Variants in GALNTL6 observed in about 807,000 individuals in gnomAD.
GALNTL6 encodes the protein polypeptide N-acetylgalactosaminyltransferase-like 6.
GALNTL6 carries 46 observed loss-of-function variants against 73.7 expected under a neutral mutation model. The observed-to-expected ratio is 0.62, with a 90% CI of 0.49 to 0.80. The LOEUF (loss-of-function observed/expected upper bound fraction) is 0.80, where lower values mean the gene tolerates loss of function less well. Among genes scored for constraint, GALNTL6 ranks in the 30% least tolerant of loss-of-function variants. The probability of loss-of-function intolerance (pLI) is 0.00; values close to 1 mark genes in which losing one functional copy is unlikely to be tolerated. For missense variants in GALNTL6, 604 were observed against 755.0 expected, an observed-to-expected ratio of 0.80 and a Z score of 2.34; for synonymous variants, 259 against 263.7, an observed-to-expected ratio of 0.98 and a Z score of 0.17.
At chr4:172,356,338 T>C (rs1289342960) in intron 5 of GALNTL6, among the ~76,000 whole-genome samples, 1 of 152,178 alleles carries the variant, frequency 6.6e-6, no homozygotes, top group Non-Finnish European at 1.5e-5. Flanking sequence ...ACTATTCCTC[T>C]TGTCAGCAAA....
At chr4:172,996,202 T>C (rs1410949885) in intron 10 of GALNTL6, among the ~76,000 whole-genome samples, 1 of 151,888 alleles carries the variant, frequency 6.6e-6, no homozygotes, top group Non-Finnish European at 1.5e-5. Flanking sequence ...TGGAATACTA[T>C]GCAACCATAA....
chr4:172,124,853 C>T (rs1050337327), intron 2 of GALNTL6, among the ~76,000 whole-genome samples: 7 of 151,992 alleles, frequency 4.6e-5, no homozygotes, highest in Admixed American at 2.0e-4. Context: ...CAAGGGAATA[C>T]ATGGCTCTTA....
intron 5 of GALNTL6, among the ~76,000 whole-genome samples, chr4:172,777,698 A>G (rs2110886178): frequency 6.6e-6 from 1 of 152,312 alleles, no homozygotes; most frequent in African/African-American, 2.4e-5. Context: ...CAAAACCTAG[A>G]CACTATGTAA....
chr4:172,046,852 G>A (rs1303190058), intron 2 of GALNTL6, among the ~76,000 whole-genome samples: 1 of 152,054 alleles, frequency 6.6e-6, no homozygotes. Context: ...TTTCTTTGCA[G>A]TGCAGAAGCT....
intron 5 of GALNTL6, among the ~76,000 whole-genome samples, chr4:172,779,403 G>A (rs1040025002): frequency 6.6e-6 from 1 of 152,104 alleles, no homozygotes; most frequent in South Asian, 2.1e-4. Context: ...CCCAGTCAGC[G>A]TGCTTATCGG....
chr4:172,488,823 G>A (rs903619821), intron 5 of GALNTL6, among the ~76,000 whole-genome samples: 12 of 137,052 alleles, frequency 8.8e-5, no homozygotes, highest in African/African-American at 3.2e-4. Context: ...AGAGAACTGC[G>A]AAGGCAGTCC....
At chr4:171,877,458 G>A (rs1352405464) in intron 2 of GALNTL6, among the ~76,000 whole-genome samples, 2 of 152,154 alleles carry the variant, frequency 1.3e-5, no homozygotes, top group African/African-American at 4.8e-5. Flanking sequence ...GCATGAATCC[G>A]AGATCATGAC....
At chr4:172,117,292 A>G (rs562435637) in intron 2 of GALNTL6, among the ~76,000 whole-genome samples, 1 of 152,204 alleles carries the variant, frequency 6.6e-6, no homozygotes, top group Admixed American at 6.5e-5. Flanking sequence ...TGGTAATCAC[A>G]TATTGTCTAA....
intron 2 of GALNTL6, among the ~76,000 whole-genome samples, chr4:172,084,198 G>T (rs868354287): frequency 2.6e-5 from 4 of 152,108 alleles, no homozygotes; most frequent in African/African-American, 9.7e-5. Context: ...CATTGAAATT[G>T]ACTTCTAATA....
chr4:172,538,727 T>C (rs1735441553), intron 5 of GALNTL6, among the ~76,000 whole-genome samples: 1 of 152,176 alleles, frequency 6.6e-6, no homozygotes, highest in South Asian at 2.1e-4. Context: ...AATAGAAGTA[T>C]AACATTTTAC....
intron 5 of GALNTL6, among the ~76,000 whole-genome samples, chr4:172,675,501 G>A (rs1732238789): frequency 6.6e-6 from 1 of 152,226 alleles, no homozygotes; most frequent in Non-Finnish European, 1.5e-5. Flanking sequence ...TGGAGGTGGT[G>A]TTGGCTCAGG....
At chr4:172,207,038 C>T (rs1006306668) in intron 2 of GALNTL6, among the ~76,000 whole-genome samples, 9 of 151,374 alleles carry the variant, frequency 5.9e-5, no homozygotes, top group East Asian at 3.9e-4. Flanking sequence ...AGGATGATCT[C>T]AATCTCCTGA....
intron 4 of GALNTL6, among the ~76,000 whole-genome samples, chr4:172,332,706 A>G (rs1480200310): frequency 6.6e-6 from 1 of 152,118 alleles, no homozygotes; most frequent in Middle Eastern, 3.2e-3. Context: ...TCATCTGTTC[A>G]TGAACACTTT....
intron 5 of GALNTL6, among the ~76,000 whole-genome samples, chr4:172,471,220 T>C (rs1733031811): frequency 6.6e-6 from 1 of 152,184 alleles, no homozygotes; most frequent in African/African-American, 2.4e-5. Context: ...TTGATCAATA[T>C]TTTTAATGTC....
intron 2 of GALNTL6, among the ~76,000 whole-genome samples, chr4:172,014,992 T>C (rs1451798991): frequency 6.6e-6 from 1 of 152,090 alleles, no homozygotes; most frequent in Non-Finnish European, 1.5e-5. Context: ...TGTTGGAAAA[T>C]ATTCTATGTG....
intron 7 of GALNTL6, among the ~76,000 whole-genome samples, chr4:172,835,382 G>T (rs2009141): frequency 6.6e-6 from 1 of 152,126 alleles, no homozygotes; most frequent in African/African-American, 2.4e-5. Flanking sequence ...AGCTATTCCA[G>T]GTATAGACAA....
intron 10 of GALNTL6, among the ~76,000 whole-genome samples, chr4:172,955,720 C>G (rs1029302018): frequency 1.1e-4 from 16 of 152,096 alleles, no homozygotes; most frequent in African/African-American, 3.9e-4. Context: ...AAGGCTGTTT[C>G]TTTCACCTGA....
At chr4:172,935,236 T>C (rs1263646160) in intron 9 of GALNTL6, among the ~76,000 whole-genome samples, 1 of 152,136 alleles carries the variant, frequency 6.6e-6, no homozygotes, top group Non-Finnish European at 1.5e-5. Context: ...CAAGACAAGG[T>C]TAGAACCAAC....
At chr4:172,755,950 T>G (rs1001816397) in intron 5 of GALNTL6, among the ~76,000 whole-genome samples, 1 of 152,198 alleles carries the variant, frequency 6.6e-6, no homozygotes, top group Non-Finnish European at 1.5e-5. Context: ...ATACAGCATA[T>G]AGAAGTCTCC....
Sources: allele counts gnomAD v4.1 joint callset (sites outside exome capture counted in the v4.1 genomes callset), GRCh38; gene constraint gnomAD v4.1.1; transcripts MANE v1.5; gene names NCBI Gene and HGNC (gene_info 2026-07-23, HGNC 2026-07-21).